The following TMEM135 variants were observed in gnomAD, a reference collection of about 807,000 sequenced individuals.
TMEM135 encodes peroxisomal membrane protein 52.
A neutral mutation model predicts 60.3 loss-of-function variants in TMEM135; 30 were observed. The ratio of observed to expected loss-of-function variants is 0.50; its 90% confidence interval spans 0.37 to 0.68. The LOEUF (loss-of-function observed/expected upper bound fraction) is 0.68. Among genes scored for constraint, TMEM135 ranks in the 30% least tolerant of loss-of-function variants. The pLI is 0.00. For missense variants in TMEM135, 468 were observed against 548.8 expected (o/e 0.85, Z 1.47); for synonymous variants, 190 against 186.7 (o/e 1.02, Z -0.14).
chr11:87,249,826 T>G (rs777615354), intron 6 of TMEM135, among the ~76,000 whole-genome samples: 1 of 152,178 alleles, frequency 6.6e-6, no homozygotes, highest in Non-Finnish European at 1.5e-5. Context: ...ATTGTCCTCA[T>G]AGAATGAGTT....
intron 6 of TMEM135, among the ~76,000 whole-genome samples, chr11:87,252,762 A>C (rs1941443579): frequency 7.1e-6 from 1 of 141,658 alleles, no homozygotes; most frequent in Non-Finnish European, 1.5e-5. Context: ...CAAGAGCAGA[A>C]CTAAATCTCA....
intron 5 of TMEM135, among the ~76,000 whole-genome samples, chr11:87,208,168 G>C (rs1387505430): frequency 6.6e-6 from 1 of 152,174 alleles, no homozygotes; most frequent in African/African-American, 2.4e-5. Context: ...TCTAAAAGCA[G>C]AGTGTCTTTT....
At chr11:87,075,308 G>A (rs1222854936) in intron 3 of TMEM135, among the ~76,000 whole-genome samples, 3 of 151,728 alleles carry the variant, frequency 2.0e-5, no homozygotes, top group Non-Finnish European at 4.4e-5. Flanking sequence ...ATAGGTGCCC[G>A]CCAGCTAATT....
Position 87,214,043 on chromosome 11 carries a change from A to G in TMEM135, c.463-22595A>G, listed in dbSNP as rs75559980. Among the ~76,000 whole-genome samples the G allele has an allele frequency of 1.6e-4, 25 of 152,332 alleles. No individual in the cohort carries two copies. The East Asian group carries it at 4.8e-3, about 29-fold the overall frequency. ...AAATACTTAGACTGTTTGATTAAAA[A>G]TGGATCTTTTTATGGGTACTGTGAG... On this transcript the variant is annotated intron_variant, in intron 5 of 14. Coordinates refer to ENST00000305494, the MANE Select transcript of TMEM135 (RefSeq NM_022918.4).
intron 5 of TMEM135, among the ~76,000 whole-genome samples, chr11:87,207,171 C>T (rs190943146): frequency 6.6e-6 from 1 of 152,222 alleles, no homozygotes; most frequent in East Asian, 1.9e-4. Context: ...CATTTTGGAA[C>T]ATGCAACTCA....
rs574361620 is a variant in TMEM135 at position 87,274,171 on chromosome 11, TC to T, written c.510-21610del. On this transcript the variant is annotated intron_variant, in intron 6 of 14. Coordinates refer to ENST00000305494, the MANE Select transcript of TMEM135 (RefSeq NM_022918.4). ...TAATCTAGGTATGTCGACAAAACTTTCAGGTCTGAAGGCTGCTGAACACTAA... is the reference window on the plus strand; with the variant it reads ...TAATCTAGGTATGTCGACAAAACTTTAGGTCTGAAGGCTGCTGAACACTAA... 7.2e-5 allele frequency among the ~76,000 whole-genome samples: 11 copies of T among 152,276 alleles called. No individual in the cohort carries two copies. The East Asian group carries it at 2.1e-3, about 29-fold the overall frequency.
chr11:87,318,089 A>G, intron 12 of TMEM135, 48 bp from the exon 13 acceptor site: 2 of 1,450,268 alleles, frequency 1.4e-6, no homozygotes, highest in Non-Finnish European at 9.7e-7. Context: ...TATGTTTTTA[A>G]TGCTGAGGTT....
intron 4 of TMEM135, among the ~76,000 whole-genome samples, chr11:87,140,679 C>T (rs1938238453): frequency 6.6e-6 from 1 of 152,012 alleles, no homozygotes; most frequent in South Asian, 2.1e-4. Flanking sequence ...GTTTTTTTAT[C>T]CCCAATGTAG....
At chr11:87,163,164 T>A (rs1938936695) in intron 5 of TMEM135, among the ~76,000 whole-genome samples, 1 of 148,288 alleles carries the variant, frequency 6.7e-6, no homozygotes, top group Non-Finnish European at 1.5e-5. Context: ...ATTAGGTATA[T>A]CTCCCAATGC....
Position 87,038,016 on chromosome 11 carries a change from C to T in TMEM135, c.-30C>T, listed in dbSNP as rs779983417. 4.3e-6 allele frequency: 7 copies of T among 1,613,146 alleles called. No individual in the cohort carries two copies. In the South Asian group the frequency reaches 6.6e-5, roughly 15 times the overall value. ...CTCCCTGCAGGGCTCAGGCTCTCCCCCTCCTGTCTTCTCCGCGCTGTTCCT... is the reference window on the plus strand; with the variant it reads ...CTCCCTGCAGGGCTCAGGCTCTCCCTCTCCTGTCTTCTCCGCGCTGTTCCT... On this transcript the variant is annotated 5_prime_UTR_variant, in exon 1 of 15. Transcript: ENST00000305494.
At chr11:87,205,254 A>G (rs74507722) in intron 5 of TMEM135, among the ~76,000 whole-genome samples, 1 of 152,194 alleles carries the variant, frequency 6.6e-6, no homozygotes, top group Non-Finnish European at 1.5e-5. Flanking sequence ...CGGTTGTTTT[A>G]TGGAATATTC....
At chr11:87,237,256 C>T (rs1360012047) in intron 6 of TMEM135, among the ~76,000 whole-genome samples, 1 of 151,986 alleles carries the variant, frequency 6.6e-6, no homozygotes, top group Non-Finnish European at 1.5e-5. Flanking sequence ...GGATTTCTGC[C>T]ATCTTCGTAT....
At chr11:87,072,086 A>C (rs578091944) in intron 3 of TMEM135, among the ~76,000 whole-genome samples, 6 of 152,292 alleles carry the variant, frequency 3.9e-5, no homozygotes, top group African/African-American at 1.4e-4. Flanking sequence ...CCTGCTACTC[A>C]GGAAGCTGAG....
At chr11:87,314,410 T>C (rs1942690265) in intron 11 of TMEM135, 61 bp from the exon 12 acceptor site, 1 of 1,391,462 alleles carries the variant, frequency 7.2e-7, no homozygotes, top group African/African-American at 1.4e-5. Context: ...ACATTTCTGA[T>C]GACATAATAA....
chr11:87,265,776 C>T (rs972474494), intron 6 of TMEM135, among the ~76,000 whole-genome samples: 1 of 151,982 alleles, frequency 6.6e-6, no homozygotes, highest in Non-Finnish European at 1.5e-5. Flanking sequence ...TTCATTTCAT[C>T]CCTTAGGTCA....
chr11:87,166,002 A>C (rs1338157143), intron 5 of TMEM135, among the ~76,000 whole-genome samples: 1 of 150,580 alleles, frequency 6.6e-6, no homozygotes, highest in African/African-American at 2.5e-5. Context: ...GAAATGGATA[A>C]ATTCCTTGAC....
chr11:87,133,053 G>A (rs767453092), intron 4 of TMEM135, among the ~76,000 whole-genome samples: 2 of 152,144 alleles, frequency 1.3e-5, no homozygotes, highest in Non-Finnish European at 2.9e-5. Flanking sequence ...CTGGTACATA[G>A]CATCTATAGC....
At chr11:87,038,945 C>T (rs1949728297) in intron 1 of TMEM135, among the ~76,000 whole-genome samples, 1 of 152,054 alleles carries the variant, frequency 6.6e-6, no homozygotes, top group South Asian at 2.1e-4. Flanking sequence ...TAAATGTTCT[C>T]CGCAAAATCT....
chr11:87,119,448 A>C (rs559913927), intron 4 of TMEM135, among the ~76,000 whole-genome samples: 9 of 152,252 alleles, frequency 5.9e-5, no homozygotes, highest in African/African-American at 2.2e-4. Context: ...CATGCGTGTA[A>C]TCGCAGCACT....
Sources: allele counts gnomAD v4.1 joint callset (sites outside exome capture counted in the v4.1 genomes callset), GRCh38; gene constraint gnomAD v4.1.1; transcripts MANE v1.5; gene names NCBI Gene and HGNC (gene_info 2026-07-23, HGNC 2026-07-21).